TRAPPC11: variants seen among roughly 807,000 people sequenced by gnomAD.
TRAPPC11 encodes foie gras homolog.
A neutral mutation model predicts 151.2 loss-of-function variants in TRAPPC11; 104 were observed. The observed-to-expected ratio is 0.69, with a 90% confidence interval of 0.59 to 0.81. The LOEUF is 0.81. Among genes scored for constraint, TRAPPC11 ranks in the 30% least tolerant of loss-of-function variants. TRAPPC11 has a pLI of 0.00. For missense variants in TRAPPC11, 1,230 were observed against 1,349.6 expected, an observed-to-expected ratio of 0.91 and a Z score of 1.39; for synonymous variants, 456 against 472.3, an observed-to-expected ratio of 0.97 and a Z score of 0.45.
intron 29 of TRAPPC11, among the ~76,000 whole-genome samples, chr4:183,709,726 G>A (rs1737248010): frequency 1.3e-5 from 2 of 152,166 alleles, no homozygotes; most frequent in African/African-American, 2.4e-5. Flanking sequence ...AGTGAGTGGA[G>A]GTTGTGCCAC....
rs1427314096 is a variant in TRAPPC11, at chr4:183,686,763, T to C, written c.1893+15T>C. Reference sequence around the variant, plus strand: ...TTAATAATCAGGTAATGATGCCATGTCATGTGTTTTTACCACGTTTATCTT... The same window carrying C: ...TTAATAATCAGGTAATGATGCCATGCCATGTGTTTTTACCACGTTTATCTT... On this transcript the variant is annotated intron_variant, in intron 18 of 29. Coordinates refer to ENST00000334690, the MANE Select transcript of TRAPPC11 (RefSeq NM_021942.6). 3.1e-6 allele frequency: 5 copies of C among 1,613,152 alleles called. No individual in the cohort carries two copies. The South Asian group carries it at 5.5e-5, about 18-fold the overall frequency.
At chr4:183,678,403 T>C (rs1735519664) in intron 8 of TRAPPC11, among the ~76,000 whole-genome samples, 1 of 152,188 alleles carries the variant, frequency 6.6e-6, no homozygotes, top group Admixed American at 6.5e-5. Flanking sequence ...GCCAAATAGA[T>C]ACTTTAATTC....
At chr4:183,693,527 T>C (rs1295670773) in intron 20 of TRAPPC11, 62 bp from the exon 21 acceptor site, 1 of 1,533,330 alleles carries the variant, frequency 6.5e-7, no homozygotes, top group African/African-American at 1.4e-5. Flanking sequence ...TTAAATACTT[T>C]ATTTGAATAA....
At chr4:183,684,403 C>G in intron 14 of TRAPPC11, 44 bp downstream of exon 14, 1 of 1,538,884 alleles carries the variant, frequency 6.5e-7, no homozygotes, top group Non-Finnish European at 8.9e-7. Context: ...TTTGGATTAT[C>G]TGAAGTGAAA....
At chr4:183,696,332 T>G (rs1385668359) in intron 23 of TRAPPC11, among the ~76,000 whole-genome samples, 1 of 152,224 alleles carries the variant, frequency 6.6e-6, no homozygotes, top group African/African-American at 2.4e-5. Context: ...TAAAGGTTTC[T>G]TACCAAGAGG....
At position 183,694,622 on chromosome 4, in the gene TRAPPC11, G is replaced by A; in HGVS notation, c.2527G>A (p.Val843Ile). The A allele has an allele frequency of 8.7e-6, 14 of 1,612,830 alleles. No individual in the cohort carries two copies. The highest frequency in any genetic ancestry group is 1.2e-5 in the Non-Finnish European group (14 of 1,179,314). ...GTTACAGCTGGAAAAAATGTTGTAT[G>A]TTCGCTGTGGAACAGTGGGTTCCAG... is the stretch of plus-strand genomic sequence containing the variant. ...PGEQLEKMLY[V>I]RCGTVGSRMF... Residue 843 changes from valine (V) to isoleucine (I), a missense_variant, in exon 23 of 30, where the codon GTT becomes ATT. Coordinates refer to ENST00000334690, the MANE Select transcript of TRAPPC11 (RefSeq NM_021942.6).
intron 9 of TRAPPC11, 110 bp downstream of exon 9, chr4:183,679,596 G>T: frequency 1.2e-6 from 1 of 808,104 alleles, no homozygotes; most frequent in Non-Finnish European, 1.9e-6. Context: ...TCACTAAGTA[G>T]GTTTTTGATG....
At chr4:183,694,828 C>A in intron 23 of TRAPPC11, 105 bp downstream of exon 23, 2 of 1,142,002 alleles carry the variant, frequency 1.8e-6, no homozygotes, top group Non-Finnish European at 2.5e-6. Flanking sequence ...AGTTTAGGTG[C>A]TTATAGTCTG....
intron 14 of TRAPPC11, 119 bp from the exon 15 acceptor site, chr4:183,684,577 A>C: frequency 8.5e-7 from 1 of 1,176,952 alleles, no homozygotes; most frequent in African/African-American, 1.5e-5. Context: ...TACCTGTTCA[A>C]CCATCTCAGT....
rs1034842019 is a variant in TRAPPC11 at position 183,666,362 on chromosome 4, G to A, written c.310G>A (p.Asp104Asn). The change falls in exon 3 of 30, where the codon GAC becomes AAC. Residue 104 changes from aspartate (D) to asparagine (N), a missense_variant. By Grantham distance (23) the Asp-to-Asn change is conservative. Transcript: ENST00000334690. ...CCTGGTGGTTGTGTTCTATGAACTG[G>A]ACTGGGATGAGCCTCAGTGGAAAGA... The part of the protein sequence containing the change: ...PALVVVFYEL[D>N]WDEPQWKEKQ... 17 of 1,614,030 alleles carry A rather than the reference G, an allele frequency of 1.1e-5. No individual in the cohort carries two copies. Among genetic ancestry groups the A allele is most frequent in the Non-Finnish European group, 1.2e-5 (14 of 1,179,988 alleles).
In TRAPPC11 at chr4:183,670,219, A is replaced by G. The variant is rs115172396; in HGVS notation, c.560+2102A>G. Reference sequence around the variant, plus strand: ...TACCTATACATGCTACAATGATTTCATTAGTGTTTTTTTAAGTGTCAAAAT... The same window carrying G: ...TACCTATACATGCTACAATGATTTCGTTAGTGTTTTTTTAAGTGTCAAAAT... On this transcript the variant is annotated intron_variant, in intron 5 of 29. Coordinates refer to ENST00000334690, the MANE Select transcript of TRAPPC11 (RefSeq NM_021942.6). 8.9e-3 allele frequency among the ~76,000 whole-genome samples: 1,362 copies of G among 152,298 alleles called. 24 individuals carry two copies. The highest frequency in any genetic ancestry group is 0.031 in the African/African-American group (1,295 of 41,566).
At chr4:183,676,315 A>G (rs1344366641) in intron 7 of TRAPPC11, among the ~76,000 whole-genome samples, 2 of 151,950 alleles carry the variant, frequency 1.3e-5, no homozygotes, top group Non-Finnish European at 2.9e-5. Flanking sequence ...ACGCCCAGCT[A>G]ATTTTTATAT....
intron 25 of TRAPPC11, among the ~76,000 whole-genome samples, chr4:183,700,575 A>G (rs1736752342): frequency 6.6e-6 from 1 of 152,196 alleles, no homozygotes; most frequent in Non-Finnish European, 1.5e-5. Context: ...ATGGGCGCTT[A>G]TCTTGTCATC....
At position 183,684,174 on chromosome 4, in the gene TRAPPC11, T is replaced by C. The variant is rs1315437757; in HGVS notation, c.1317T>C (p.Ala439=). The change falls in exon 13 of 30, where the codon GCT becomes GCC. Residue 439 remains alanine, a synonymous_variant. Coordinates refer to ENST00000334690, the MANE Select transcript of TRAPPC11 (RefSeq NM_021942.6). ...SEIIITLLSN[A]VAQFKKYKCP... ...TAATCATAACTCTTCTGAGCAATGC[T>C]GTTGCACAGTTCAAGAAGTATAAGT... is the stretch of plus-strand genomic sequence containing the variant. The C allele has an allele frequency of 6.2e-7, 1 of 1,614,018 alleles. No individual in the cohort carries two copies. The highest frequency in any genetic ancestry group is 1.3e-5 in the African/African-American group (1 of 75,058).
At chr4:183,711,160 C>G (rs1196049763) in intron 29 of TRAPPC11, among the ~76,000 whole-genome samples, 1 of 152,052 alleles carries the variant, frequency 6.6e-6, no homozygotes, top group African/African-American at 2.4e-5. Context: ...GAGGATTACC[C>G]TTTCCCACTT....
chr4:183,680,265 GAAGT>G lies in TRAPPC11; in HGVS notation c.1113+3_1113+6del. 1 of 1,613,706 alleles carries G rather than the reference GAAGT, an allele frequency of 6.2e-7. No individual in the cohort carries two copies. On this transcript the variant is annotated splice_donor_variant and coding_sequence_variant, in exon 10 of 30. Coordinates refer to ENST00000334690, the MANE Select transcript of TRAPPC11 (RefSeq NM_021942.6). LOFTEE classifies it high-confidence loss of function. The stretch of plus-strand genomic sequence containing the variant: ...GCTTGCAAAAACCCTCTGTAACCAC[GAAGT>G]AAGTTACTCACTCCGTATTATCTAG...
intron 7 of TRAPPC11, among the ~76,000 whole-genome samples, chr4:183,676,795 C>G (rs1579176837): frequency 6.6e-6 from 1 of 152,054 alleles, no homozygotes; most frequent in African/African-American, 2.4e-5. Context: ...GATGGCATCT[C>G]CCTCTGTTAC....
intron 1 of TRAPPC11, among the ~76,000 whole-genome samples, chr4:183,661,713 A>G (rs1734555945): frequency 6.6e-6 from 1 of 151,236 alleles, no homozygotes; most frequent in East Asian, 2.0e-4. Context: ...TCTTTTTCAA[A>G]TAAGATTATA....
At position 183,685,524 on chromosome 4, in the gene TRAPPC11, A is replaced by G; in HGVS notation, c.1762+121A>G. On this transcript the variant is annotated intron_variant, in intron 17 of 29. Transcript: ENST00000334690. ...AGTTTTCAAAGTATAATCATGTTAT[A>G]GATAAACTGATTTTTTTTTGTGTCC... The G allele has an allele frequency of 2.6e-6, 3 of 1,167,506 alleles. No individual in the cohort carries two copies. In the South Asian group the frequency reaches 5.5e-5, roughly 21 times the overall value. The allele number at this position is 1,167,506 out of a possible 1,614,324, so 72.3% of individuals were successfully genotyped here.
Sources: gnomAD v4.1 joint callset for allele counts (sites outside exome capture counted in the v4.1 genomes callset) on GRCh38, gnomAD v4.1.1 for gene constraint, MANE v1.5 for transcripts, NCBI Gene and HGNC (gene_info 2026-07-23, HGNC 2026-07-21) for gene names.